Variants in NPAS3 observed in about 807,000 individuals in gnomAD.
The protein encoded by NPAS3 is neuronal PAS domain-containing protein 3.
Under a neutral mutation model 73.1 loss-of-function variants are expected in NPAS3, and 14 were observed. The observed-to-expected ratio is 0.19, with a 90% CI of 0.13 to 0.30. NPAS3 has a LOEUF of 0.30. Among genes scored for constraint, NPAS3 ranks in the 10% least tolerant of loss-of-function variants. The pLI is 1.00. For synonymous variants in NPAS3, 620 were observed against 541.5 expected (o/e 1.14, Z -2.01); for missense variants, 1,096 against 1,250.0 (o/e 0.88, Z 1.86).
At chr14:33,126,331 G>T (rs115975367) in intron 2 of NPAS3, among the ~76,000 whole-genome samples, 3,327 of 152,224 alleles carry the variant, frequency 0.022, 50 homozygotes, top group Middle Eastern at 0.041. Flanking sequence ...CTGCTGGACA[G>T]GCTACCACAG....
At chr14:33,435,682 A>G (rs1289377385) in intron 4 of NPAS3, among the ~76,000 whole-genome samples, 1 of 152,236 alleles carries the variant, frequency 6.6e-6, no homozygotes, top group Non-Finnish European at 1.5e-5. Flanking sequence ...TACATAAATT[A>G]GATTTCTTTA....
At chr14:33,580,485 C>A (rs1489275705) in intron 5 of NPAS3, among the ~76,000 whole-genome samples, 1 of 152,100 alleles carries the variant, frequency 6.6e-6, no homozygotes, top group Admixed American at 6.6e-5. Context: ...CTAACTGTGA[C>A]CTGTGGGCTT....
At chr14:33,528,050 C>A (rs2053879822) in intron 4 of NPAS3, among the ~76,000 whole-genome samples, 1 of 152,074 alleles carries the variant, frequency 6.6e-6, no homozygotes, top group African/African-American at 2.4e-5. Context: ...TCTCTAAATT[C>A]TCTTCCATAG....
chr14:33,538,761 G>A (rs539052952), intron 4 of NPAS3, among the ~76,000 whole-genome samples: 23 of 152,122 alleles, frequency 1.5e-4, no homozygotes, highest in Admixed American at 1.1e-3. Flanking sequence ...TTTGTTTTTC[G>A]GTAAGTTGAG....
chr14:33,640,925 T>G (rs1214441488), intron 5 of NPAS3, among the ~76,000 whole-genome samples: 1 of 152,220 alleles, frequency 6.6e-6, no homozygotes, highest in African/African-American at 2.4e-5. Context: ...TGATCCAAAT[T>G]TTGTTAATAA....
intron 4 of NPAS3, among the ~76,000 whole-genome samples, chr14:33,559,269 T>G (rs1214174632): frequency 6.6e-6 from 1 of 152,220 alleles, no homozygotes; most frequent in Admixed American, 6.5e-5. Flanking sequence ...TTTGTAAGAT[T>G]GCAGCCCATA....
intron 5 of NPAS3, among the ~76,000 whole-genome samples, chr14:33,625,333 T>G (rs566374498): frequency 1.1e-3 from 164 of 152,348 alleles, no homozygotes; most frequent in African/African-American, 3.3e-3. Flanking sequence ...ACTTTTCCAG[T>G]TAGTCAACAT....
intron 7 of NPAS3, among the ~76,000 whole-genome samples, chr14:33,750,984 T>G (rs2140760367): frequency 6.6e-6 from 1 of 152,230 alleles, no homozygotes; most frequent in South Asian, 2.1e-4. Context: ...GGAAGGGAAC[T>G]CTAAACAGAG....
chr14:33,057,213 T>C (rs1246421142), intron 2 of NPAS3, among the ~76,000 whole-genome samples: 5 of 152,232 alleles, frequency 3.3e-5, no homozygotes, highest in African/African-American at 1.2e-4. Flanking sequence ...CATGTAGTTA[T>C]CTCTGGCTTT....
chr14:33,478,596 T>C (rs1042077667), intron 4 of NPAS3, among the ~76,000 whole-genome samples: 5 of 152,180 alleles, frequency 3.3e-5, no homozygotes, highest in African/African-American at 4.8e-5. Context: ...TGGAATTCTA[T>C]TGTGTTAGAT....
chr14:33,389,106 C>T (rs2046895162), intron 4 of NPAS3, among the ~76,000 whole-genome samples: 1 of 152,110 alleles, frequency 6.6e-6, no homozygotes, highest in Non-Finnish European at 1.5e-5. Context: ...GGTATCTTGG[C>T]ATTCTGTGAG....
chr14:33,326,201 C>T (rs2043697551), intron 3 of NPAS3, among the ~76,000 whole-genome samples: 1 of 151,974 alleles, frequency 6.6e-6, no homozygotes, highest in Non-Finnish European at 1.5e-5. Flanking sequence ...AGAGACAGGG[C>T]TCATCCATGT....
Position 33,791,575 on chromosome 14 carries a change from T to C in NPAS3, c.1154-2322T>C, listed in dbSNP as rs181255647. Among the ~76,000 whole-genome samples, 21 of 152,270 alleles carry C rather than the reference T, an allele frequency of 1.4e-4. 1 individual carries two copies. The highest frequency in any genetic ancestry group is 6.8e-3 in the Middle Eastern group (2 of 294). On this transcript the variant is annotated intron_variant, in intron 9 of 11. Transcript: ENST00000356141. ...TTCGCTACACATACGTGCAGACCACTGGGGAGGCCAAACGTTTGGCTGGAT... is the reference window on the plus strand; with the variant it reads ...TTCGCTACACATACGTGCAGACCACCGGGGAGGCCAAACGTTTGGCTGGAT...
chr14:33,721,549 C>T lies in NPAS3; in HGVS notation c.734-13665C>T, dbSNP rs185096309. 8.5e-5 allele frequency among the ~76,000 whole-genome samples: 13 copies of T among 152,230 alleles called. No homozygotes were observed. The East Asian group carries it at 2.3e-3, about 27-fold the overall frequency. On this transcript the variant is annotated intron_variant, in intron 6 of 11. Coordinates refer to ENST00000356141, the Ensembl canonical transcript of NPAS3. ...AAAGCAATATTGTCTCCCATGCAGACAGTTAACATTAGTAGTAATCATAAT... is the reference window on the plus strand; with the variant it reads ...AAAGCAATATTGTCTCCCATGCAGATAGTTAACATTAGTAGTAATCATAAT...
chr14:33,155,184 T>G (rs1414246986), intron 2 of NPAS3, among the ~76,000 whole-genome samples: 1 of 152,228 alleles, frequency 6.6e-6, no homozygotes, highest in East Asian at 1.9e-4. Flanking sequence ...TCAGCTGTGA[T>G]AATCTGACAT....
intron 3 of NPAS3, among the ~76,000 whole-genome samples, chr14:33,273,407 CT>C (rs2041188144): frequency 6.6e-6 from 1 of 152,124 alleles, no homozygotes; most frequent in Non-Finnish European, 1.5e-5. Context: ...GGTTTGAATC[CT>C]GACTCTGCTC....
chr14:33,790,310 T>C (rs1042939209), intron 9 of NPAS3, among the ~76,000 whole-genome samples: 2 of 152,220 alleles, frequency 1.3e-5, no homozygotes, highest in Non-Finnish European at 2.9e-5. Context: ...TTCTCTCCTT[T>C]CTCACTGCTT....
rs540646526 is a variant in NPAS3, at chr14:33,667,045, A to G, written c.559-9166A>G. On this transcript the variant is annotated intron_variant, in intron 5 of 11. Coordinates refer to ENST00000356141, the Ensembl canonical transcript of NPAS3. ...GTAAAAACAAGTGAGAAGAATTTCAATGATTAGCTATTTTTATTCAATTTC... is the reference window on the plus strand; with the variant it reads ...GTAAAAACAAGTGAGAAGAATTTCAGTGATTAGCTATTTTTATTCAATTTC... Among the ~76,000 whole-genome samples the G allele has an allele frequency of 3.5e-4, 54 of 152,366 alleles. No individual in the cohort carries two copies. In the Middle Eastern group the frequency reaches 0.014, roughly 38 times the overall value.
chr14:33,578,093 G>A (rs778811544), intron 5 of NPAS3: 9 of 452,008 alleles, frequency 2.0e-5, no homozygotes, highest in African/African-American at 4.0e-5. Flanking sequence ...TCTAAAGGCC[G>A]TTACTGCTCA....
Sources: allele counts gnomAD v4.1 joint callset (sites outside exome capture counted in the v4.1 genomes callset), GRCh38; gene constraint gnomAD v4.1.1; transcripts MANE v1.5; gene names NCBI Gene and HGNC (gene_info 2026-07-23, HGNC 2026-07-21).